Variants in SLC5A4 observed in about 807,000 individuals in gnomAD.
The protein encoded by SLC5A4 is probable glucose sensor protein SLC5A4.
A neutral mutation model predicts 70.3 loss-of-function variants in SLC5A4; 55 were observed. That is an observed-to-expected ratio of 0.78 (90% CI 0.63 to 0.98). The LOEUF is 0.98. SLC5A4 is among the 50% of genes least tolerant of loss of function. The pLI is 0.00. For missense variants in SLC5A4, 735 were observed against 839.2 expected (o/e 0.88, Z 1.53); for synonymous variants, 268 against 305.7 (o/e 0.88, Z 1.29).
Position 32,234,560 on chromosome 22 carries a change from G to A in SLC5A4, c.885+313C>T, listed in dbSNP as rs190283489. On this transcript the variant is annotated intron_variant, in intron 8 of 14. Transcript: ENST00000266086. ...CTGAAAATACAAAAATTAGCTGGGC[G>A]TGGTGGTGCACATCTGTAATCCCAG... Among the ~76,000 whole-genome samples the A allele has an allele frequency of 6.6e-5, 10 of 152,158 alleles. No individual in the cohort carries two copies. The East Asian group carries it at 1.5e-3, about 24-fold the overall frequency.
the SLC5A4 span, among the ~76,000 whole-genome samples, chr22:32,313,610 T>C: frequency 6.6e-6 from 1 of 151,970 alleles, no homozygotes; most frequent in African/African-American, 2.4e-5. Context: ...AATGGCAGAG[T>C]CAAGTTGCAA....
chr22:32,340,637 C>T, the SLC5A4 span, among the ~76,000 whole-genome samples: 1 of 152,252 alleles, frequency 6.6e-6, no homozygotes, highest in South Asian at 2.1e-4. Flanking sequence ...TGAGCAGGGG[C>T]TGTGGAAGGG....
the SLC5A4 span, among the ~76,000 whole-genome samples, chr22:32,331,155 G>C: frequency 7.9e-6 from 1 of 126,786 alleles, no homozygotes; most frequent in East Asian, 2.3e-4. Context: ...GGAGGCTCTG[G>C]TGTGTGTGTT....
the SLC5A4 span, among the ~76,000 whole-genome samples, chr22:32,340,746 G>A: frequency 6.6e-6 from 1 of 152,172 alleles, no homozygotes. Context: ...GTCGGGAGAT[G>A]AGGACAGAGG....
chr22:32,277,697 G>A, the SLC5A4 span, among the ~76,000 whole-genome samples: 1 of 151,996 alleles, frequency 6.6e-6, no homozygotes, highest in Non-Finnish European at 1.5e-5. Flanking sequence ...ACAGGTGCCC[G>A]CCACCATGCC....
At chr22:32,269,461 G>A in the SLC5A4 span, 1 of 523,522 alleles carries the variant, frequency 1.9e-6, no homozygotes, top group South Asian at 1.7e-5. This position sits in a 1 kb window ranked among gnomAD's most constrained non-coding sequence, Gnocchi z 4.1. Flanking sequence ...GCTACTACAA[G>A]CCCATCCTGT....
At chr22:32,290,189 G>A in the SLC5A4 span, among the ~76,000 whole-genome samples, 10 of 152,206 alleles carry the variant, frequency 6.6e-5, no homozygotes, top group South Asian at 1.9e-3. Flanking sequence ...CTATCAACCC[G>A]TCATCTAGGT....
At chr22:32,257,974 T>G (rs766188369), upstream of SLC5A4, among the ~76,000 whole-genome samples, 2 of 151,188 alleles carry the variant, frequency 1.3e-5, no homozygotes, top group Non-Finnish European at 2.9e-5. Context: ...CCAGCTAAGG[T>G]TTTCTTTATG....
At chr22:32,271,490 T>G in the SLC5A4 span, 1 of 731,868 alleles carries the variant, frequency 1.4e-6, no homozygotes, top group Admixed American at 1.8e-5. Flanking sequence ...AGAAGGTCCT[T>G]CACAACATCA....
the SLC5A4 span, among the ~76,000 whole-genome samples, chr22:32,279,120 C>CA: frequency 2.0e-5 from 3 of 152,134 alleles, no homozygotes; most frequent in Non-Finnish European, 2.9e-5. Context: ...ACTAAAAATA[C>CA]AAAAAATTAG....
the SLC5A4 span, among the ~76,000 whole-genome samples, chr22:32,305,833 TCCCCCCA>T: frequency 2.6e-5 from 4 of 151,314 alleles, no homozygotes; most frequent in East Asian, 3.9e-4. Flanking sequence ...ATTGGCCCTG[TCCCCCCA>T]CCCCCCACGT....
At chr22:32,335,705 G>A in the SLC5A4 span, among the ~76,000 whole-genome samples, 4 of 152,312 alleles carry the variant, frequency 2.6e-5, no homozygotes, top group South Asian at 8.3e-4. Flanking sequence ...GCCCCCAGCT[G>A]CAGCACCCAG....
At chr22:32,223,556 C>G (rs565846698) in intron 13 of SLC5A4, among the ~76,000 whole-genome samples, 2 of 151,860 alleles carry the variant, frequency 1.3e-5, no homozygotes, top group African/African-American at 4.8e-5. Flanking sequence ...CATGTACTTT[C>G]CCCCCATCTC....
At chr22:32,295,230 G>A in the SLC5A4 span, among the ~76,000 whole-genome samples, 2 of 105,452 alleles carry the variant, frequency 1.9e-5, 1 homozygote, top group African/African-American at 7.0e-5. Context: ...GATCCCTGAG[G>A]AATCGCCACA....
In SLC5A4 at chr22:32,231,004, C is replaced by T. The variant is rs753151639; in HGVS notation, c.1093G>A (p.Ala365Thr). 1.1e-5 allele frequency: 18 copies of T among 1,613,804 alleles called. No individual in the cohort carries two copies. Among genetic ancestry groups the T allele is most frequent in the Non-Finnish European group, 1.2e-5 (14 of 1,179,710 alleles). The stretch of plus-strand genomic sequence containing the variant: ...AGTTCCAGCACCATCGTGGGGTATG[C>T]GTAGTTGGTGCAGCCAACATCAACG... ...CGVDVGCTNY[A>T]YPTMVLELMP... The change falls in exon 10 of 15, where the codon GCA becomes ACA. Residue 365 changes from alanine (A) to threonine (T), a missense_variant. Coordinates refer to ENST00000266086, the MANE Select transcript of SLC5A4 (RefSeq NM_014227.3).
the SLC5A4 span, chr22:32,271,030 T>C: frequency 1.8e-6 from 1 of 551,498 alleles, no homozygotes; most frequent in East Asian, 3.8e-5. Flanking sequence ...CAGTCGGTGA[T>C]GAGGAAATGC....
At chr22:32,219,415 A>T (rs1924920188) in intron 14 of SLC5A4, among the ~76,000 whole-genome samples, 1 of 152,094 alleles carries the variant, frequency 6.6e-6, no homozygotes, top group Non-Finnish European at 1.5e-5. Context: ...ATACTTCTAA[A>T]CTCAAATGTT....
chr22:32,307,612 C>A, the SLC5A4 span, among the ~76,000 whole-genome samples: 1 of 152,178 alleles, frequency 6.6e-6, no homozygotes, highest in Non-Finnish European at 1.5e-5. Flanking sequence ...GACTGCTTAA[C>A]ATTTGAGCTT....
At chr22:32,336,335 G>A in the SLC5A4 span, among the ~76,000 whole-genome samples, 2 of 152,218 alleles carry the variant, frequency 1.3e-5, no homozygotes, top group Non-Finnish European at 2.9e-5. Flanking sequence ...ATTCACCTGG[G>A]CCTTTGTGGA....
Sources: allele counts gnomAD v4.1 joint callset (sites outside exome capture counted in the v4.1 genomes callset), GRCh38; gene constraint gnomAD v4.1.1; non-coding constraint Gnocchi (gnomAD v3.1); transcripts MANE v1.5; gene names NCBI Gene and HGNC (gene_info 2026-07-23, HGNC 2026-07-21).